The following GPC5 variants were observed in gnomAD, a reference collection of about 807,000 sequenced individuals.
The protein encoded by GPC5 is glypican-5.
Under a neutral mutation model 53.9 loss-of-function variants are expected in GPC5, and 47 were observed. The observed-to-expected ratio is 0.87, with a 90% CI of 0.69 to 1.11. The LOEUF (loss-of-function observed/expected upper bound fraction) is 1.11, where lower values mean the gene tolerates loss of function less well. Ranked by LOEUF, GPC5 falls within the 50% of genes most tolerant of loss-of-function variation. The probability of loss-of-function intolerance (pLI) is 0.00; values close to 1 mark genes in which losing one functional copy is unlikely to be tolerated. For synonymous variants in GPC5, 286 were observed against 263.3 expected (o/e 1.09, Z -0.84); for missense variants, 748 against 713.1 (o/e 1.05, Z -0.56).
Position 91,572,522 on chromosome 13 carries a change from T to C in GPC5, c.326-120665T>C, listed in dbSNP as rs150771175. ...TGGCTGACAGCAAAGGGGGAGCCAT[T>C]GTATCACATGGTGAGAGAGAGTGAG... On this transcript the variant is annotated intron_variant, in intron 2 of 7. Transcript: ENST00000377067. Among the ~76,000 whole-genome samples the C allele has an allele frequency of 1.5e-3, 222 of 152,104 alleles. 1 individual carries two copies. Among genetic ancestry groups the C allele is most frequent in the African/African-American group, 4.9e-3 (202 of 41,480 alleles).
At chr13:92,261,739 T>C (rs780362748) in intron 7 of GPC5, among the ~76,000 whole-genome samples, 2 of 152,084 alleles carry the variant, frequency 1.3e-5, no homozygotes, top group African/African-American at 2.4e-5. Context: ...ATGTAAATAT[T>C]GGAAAAAATA....
At chr13:91,582,725 T>C (rs2032411722) in intron 2 of GPC5, among the ~76,000 whole-genome samples, 1 of 152,162 alleles carries the variant, frequency 6.6e-6, no homozygotes, top group Non-Finnish European at 1.5e-5. Context: ...TTAATATCCA[T>C]TTATAGGCCA....
At chr13:92,846,269 A>G (rs1048365695) in intron 7 of GPC5, among the ~76,000 whole-genome samples, 4 of 152,128 alleles carry the variant, frequency 2.6e-5, no homozygotes, top group African/African-American at 9.7e-5. Context: ...AAATGATCTA[A>G]TTACCTCCCA....
intron 7 of GPC5, among the ~76,000 whole-genome samples, chr13:92,377,523 C>T (rs568613896): frequency 1.3e-5 from 2 of 152,238 alleles, no homozygotes; most frequent in Admixed American, 6.5e-5. Context: ...GCTTTTCCAG[C>T]TTGGAATGCA....
At chr13:92,757,001 CA>C (rs1187722437) in intron 7 of GPC5, among the ~76,000 whole-genome samples, 1 of 151,730 alleles carries the variant, frequency 6.6e-6, no homozygotes, top group Non-Finnish European at 1.5e-5. Flanking sequence ...CATATGGAAC[CA>C]AAAAAGAGCC....
chr13:92,644,878 T>TC (rs1885715088), intron 7 of GPC5, among the ~76,000 whole-genome samples: 1 of 148,884 alleles, frequency 6.7e-6, no homozygotes, highest in Non-Finnish European at 1.5e-5. Context: ...ACAGATACTG[T>TC]AAAAAAAAAA....
chr13:91,714,531 A>G (rs1300959826), intron 3 of GPC5, among the ~76,000 whole-genome samples: 1 of 152,236 alleles, frequency 6.6e-6, no homozygotes, highest in Non-Finnish European at 1.5e-5. Flanking sequence ...TCCATTTTAA[A>G]TATACTATCT....
chr13:92,080,110 C>T (rs1161976152), intron 6 of GPC5, among the ~76,000 whole-genome samples: 2 of 152,168 alleles, frequency 1.3e-5, no homozygotes, highest in Non-Finnish European at 2.9e-5. Context: ...CTTTTTAAAA[C>T]CCTTTCTAAC....
intron 7 of GPC5, among the ~76,000 whole-genome samples, chr13:92,453,090 A>ACCC (rs1444947449): frequency 6.6e-6 from 1 of 152,164 alleles, no homozygotes; most frequent in East Asian, 1.9e-4. Flanking sequence ...TTTCATCCCA[A>ACCC]ATCCATATGA....
At chr13:92,227,189 A>C (rs972877841) in intron 7 of GPC5, among the ~76,000 whole-genome samples, 4 of 152,198 alleles carry the variant, frequency 2.6e-5, no homozygotes, top group African/African-American at 9.6e-5. Context: ...TGGAGGGTGA[A>C]AGTAAATCTA....
At chr13:92,517,878 C>G (rs1442872487) in intron 7 of GPC5, among the ~76,000 whole-genome samples, 1 of 152,170 alleles carries the variant, frequency 6.6e-6, no homozygotes, top group South Asian at 2.1e-4. Flanking sequence ...CCAACTTCTC[C>G]AAGCTAAAGG....
chr13:92,404,302 G>C (rs1011431854), intron 7 of GPC5, among the ~76,000 whole-genome samples: 3 of 152,094 alleles, frequency 2.0e-5, no homozygotes, highest in Admixed American at 6.6e-5. Flanking sequence ...TGAGAGCATG[G>C]ACATTGTTAG....
At chr13:92,477,062 TAAATA>T (rs1879177854) in intron 7 of GPC5, among the ~76,000 whole-genome samples, 1 of 149,340 alleles carries the variant, frequency 6.7e-6, no homozygotes. Flanking sequence ...AATAAATAAA[TAAATA>T]AATAAATAAA....
chr13:92,570,660 G>A (rs142692658), intron 7 of GPC5, among the ~76,000 whole-genome samples: 85 of 151,958 alleles, frequency 5.6e-4, no homozygotes, highest in African/African-American at 2.1e-3. Flanking sequence ...GTAAAAAATG[G>A]TGAGATCAAG....
intron 2 of GPC5, among the ~76,000 whole-genome samples, chr13:91,679,344 A>G (rs2035455549): frequency 6.6e-6 from 1 of 152,144 alleles, no homozygotes; most frequent in Non-Finnish European, 1.5e-5. Context: ...GGTTGATCCT[A>G]ACATACAAAA....
intron 2 of GPC5, among the ~76,000 whole-genome samples, chr13:91,453,395 A>G (rs553565746): frequency 1.4e-4 from 21 of 152,120 alleles, no homozygotes; most frequent in African/African-American, 4.6e-4. Flanking sequence ...ATAGCAAAAG[A>G]CACAGGATAT....
At chr13:92,039,636 G>C (rs1005920082) in intron 6 of GPC5, among the ~76,000 whole-genome samples, 1 of 151,814 alleles carries the variant, frequency 6.6e-6, no homozygotes, top group Admixed American at 6.6e-5. Flanking sequence ...AATACAAATT[G>C]TTCTCATATT....
At chr13:92,519,699 T>C (rs1880951893) in intron 7 of GPC5, among the ~76,000 whole-genome samples, 2 of 151,980 alleles carry the variant, frequency 1.3e-5, no homozygotes, top group Admixed American at 1.3e-4. Flanking sequence ...ATTGACACCC[T>C]AACAACACAA....
chr13:92,509,997 AAG>A (rs1381894691), intron 7 of GPC5: 2 of 152,194 alleles, frequency 1.3e-5, no homozygotes, highest in African/African-American at 4.8e-5. Context: ...CAGATTGTAT[AAG>A]AGATTTTGAG....
Sources: allele counts gnomAD v4.1 joint callset (sites outside exome capture counted in the v4.1 genomes callset), GRCh38; gene constraint gnomAD v4.1.1; transcripts MANE v1.5; gene names NCBI Gene and HGNC (gene_info 2026-07-23, HGNC 2026-07-21).